EDEM3: variants seen among roughly 807,000 people sequenced by gnomAD.
The protein encoded by EDEM3 is ER degradation-enhancing alpha-mannosidase-like protein 3.
In EDEM3, 60 loss-of-function variants were observed where a neutral mutation model predicts 110.2. The ratio of observed to expected loss-of-function variants is 0.54; its 90% confidence interval spans 0.44 to 0.67. The LOEUF is 0.67. Ranked by LOEUF, EDEM3 falls within the 30% of genes least tolerant of loss-of-function variation. EDEM3 has a pLI of 0.00. For missense variants in EDEM3, 996 were observed against 1,121.0 expected, an observed-to-expected ratio of 0.89 and a Z score of 1.59; for synonymous variants, 352 against 382.9, an observed-to-expected ratio of 0.92 and a Z score of 0.94.
intron 13 of EDEM3, 53 bp from the exon 14 acceptor site, chr1:184,712,651 C>T (rs1479685946): frequency 1.6e-6 from 2 of 1,238,414 alleles, no homozygotes; most frequent in Non-Finnish European, 2.2e-6. Context: ...ATTTAAATGC[C>T]AACTATATGA....
At chr1:184,722,091 T>A (rs1469858298) in intron 8 of EDEM3, among the ~76,000 whole-genome samples, 1 of 152,034 alleles carries the variant, frequency 6.6e-6, no homozygotes, top group Non-Finnish European at 1.5e-5. Flanking sequence ...TATAAATGCA[T>A]TAAGCCTTCT....
At chr1:184,750,518 C>CTTTTTT (rs376949251) in intron 1 of EDEM3, among the ~76,000 whole-genome samples, 26,433 of 146,116 alleles carry the variant, frequency 0.18, 3,895 homozygotes, top group African/African-American at 0.41. Flanking sequence ...TTAACTTTTT[C>CTTTTTT]TTTTTTTTTT....
intron 2 of EDEM3, among the ~76,000 whole-genome samples, chr1:184,743,268 C>T (rs1292013672): frequency 6.6e-6 from 1 of 152,092 alleles, no homozygotes. Flanking sequence ...GGCAAATTAA[C>T]AGCCTTATCA....
At chr1:184,751,816 C>G (rs780404326) in intron 1 of EDEM3, among the ~76,000 whole-genome samples, 16 of 152,106 alleles carry the variant, frequency 1.1e-4, no homozygotes, top group Admixed American at 4.6e-4. Flanking sequence ...TGCAATGGCA[C>G]GATCTCTGCT....
rs566669335 is a variant in EDEM3, at chr1:184,754,709, C to T, written c.-63G>A. ...GGCCGGTGAGACACATTGCTGGACGCTGGTGGCCAGGGGGCTGCTAGCCGT... is the reference window on the plus strand; with the variant it reads ...GGCCGGTGAGACACATTGCTGGACGTTGGTGGCCAGGGGGCTGCTAGCCGT... On this transcript the variant is annotated 5_prime_UTR_variant, in exon 1 of 20. Coordinates refer to ENST00000318130, the MANE Select transcript of EDEM3 (RefSeq NM_025191.4). The T allele has an allele frequency of 6.8e-7, 1 of 1,462,586 alleles. No homozygotes were observed. Among genetic ancestry groups the T allele is most frequent in the Admixed American group, 2.6e-5 (1 of 38,580 alleles). 90.6% of individuals were successfully genotyped at this position (1,462,586 alleles called of 1,614,324 possible). A position where few individuals can be genotyped will look rare whatever the true frequency, so the allele number is the denominator to read the frequency against.
Position 184,693,986 on chromosome 1 carries a change from T to C in EDEM3, c.*77A>G. Reference sequence around the variant, plus strand: ...TAAAGCCTCCCATTAGAAAGCCTGCTTAGTATTAGGATGTCTATTAACCAC... The same window carrying C: ...TAAAGCCTCCCATTAGAAAGCCTGCCTAGTATTAGGATGTCTATTAACCAC... On this transcript the variant is annotated 3_prime_UTR_variant, in exon 20 of 20. Coordinates refer to ENST00000318130, the MANE Select transcript of EDEM3 (RefSeq NM_025191.4). 1 of 1,446,602 alleles carries C rather than the reference T, an allele frequency of 6.9e-7. No homozygotes were observed. The highest frequency in any genetic ancestry group is 2.2e-5 in the Admixed American group (1 of 45,030). 89.6% of individuals were successfully genotyped at this position (1,446,602 alleles called of 1,614,324 possible). A position where few individuals can be genotyped will look rare whatever the true frequency, so the allele number is the denominator to read the frequency against.
At chr1:184,719,387 C>A in intron 10 of EDEM3, 56 bp downstream of exon 10, 2 of 1,574,734 alleles carry the variant, frequency 1.3e-6, no homozygotes, top group South Asian at 1.2e-5. Context: ...ATCAAAAATG[C>A]GCCTAATTAA....
At position 184,715,140 on chromosome 1, in the gene EDEM3, T is replaced by TC. The variant is rs139993600; in HGVS notation, c.1370+1747_1370+1748insG. ...CTGAATACAGACAGTTATGGTGCTG[T>TC]GTGCCAGACACATCTTGAGTATGGT... On this transcript the variant is annotated intron_variant, in intron 13 of 19. Transcript: ENST00000318130. 4.2e-3 allele frequency among the ~76,000 whole-genome samples: 636 copies of TC among 152,284 alleles called. 5 individuals are homozygous for TC. Among genetic ancestry groups the TC allele is most frequent in the East Asian group, 0.036 (185 of 5,188 alleles).
rs1369962195 is a variant in EDEM3 at position 184,694,191 on chromosome 1, A to T, written c.2671T>A (p.Ser891Thr). The change falls in exon 20 of 20, where the codon TCA (serine) becomes ACA (threonine). Residue 891 changes from serine to threonine, a missense_variant. By Grantham distance (58) the Ser-to-Thr change is moderately conservative. Around this residue, in one of 5 missense-constraint regions of EDEM3, gnomAD observed 345 missense variants for 402.0 expected, o/e 0.86. Transcript: ENST00000318130. Reference protein sequence around the residue: ...TDLDNQLQEQSETEEDSNPNV... With the variant: ...TDLDNQLQEQTETEEDSNPNV... ...GGATTGGAATCTTCCTCAGTTTCTG[A>T]TTGTTCTTGAAGCTGGTTATCTAAA... is the stretch of plus-strand genomic sequence containing the variant. The T allele has an allele frequency of 6.2e-7, 1 of 1,613,342 alleles. No individual in the cohort carries two copies. Among genetic ancestry groups the T allele is most frequent in the South Asian group, 1.1e-5 (1 of 91,064 alleles).
intron 16 of EDEM3, among the ~76,000 whole-genome samples, chr1:184,709,722 T>C (rs1650123344): frequency 6.6e-6 from 1 of 152,162 alleles, no homozygotes; most frequent in Non-Finnish European, 1.5e-5. Flanking sequence ...AGGAAGGATG[T>C]GGCAAGAATA....
In EDEM3 at chr1:184,717,609, A is replaced by C. The variant is rs757899203; in HGVS notation, c.1176T>G (p.Asp392Glu). 109 of 1,602,334 alleles carry C rather than the reference A, an allele frequency of 6.8e-5. No homozygotes were observed. The highest frequency in any genetic ancestry group is 9.0e-5 in the Non-Finnish European group (106 of 1,175,632). The change falls in exon 12 of 20, where the codon GAT becomes GAG. Residue 392 changes from aspartate to glutamate, a missense_variant. Physicochemically the swap from Asp to Glu is conservative, Grantham distance 45. This residue lies in a region of EDEM3 where 310 missense variants were observed against 394.6 expected (regional missense o/e 0.79). Transcript: ENST00000318130. ...GATGTTGAGCCCAGTGTACTCTGAAATCTGTGGTAAATGCCTGAACAAAAC... is the reference window on the plus strand; with the variant it reads ...GATGTTGAGCCCAGTGTACTCTGAACTCTGTGGTAAATGCCTGAACAAAAC... The part of the protein sequence containing the change: ...HNFLPEAFTT[D>E]FRVHWAQHPL...
In EDEM3 at chr1:184,708,263, GT is replaced by G; in HGVS notation, c.1926del (p.Glu642AspfsTer20). On this transcript the variant is annotated frameshift_variant, in exon 17 of 20. Transcript: ENST00000318130. LOFTEE classifies it high-confidence loss of function. ...MIELSSQQQKEQQLPPRAVQI... is the reference protein window; with the variant it reads ...MIELSSQQQKXQQLPPRAVQI... ...TGTACAGCTCGTGGAGGCAGCTGCT[GT>G]TCTTTTTGTTGCTGACTTGACAATT... 1.2e-6 allele frequency: 2 copies of G among 1,613,298 alleles called. No individual in the cohort carries two copies. The highest frequency in any genetic ancestry group is 1.7e-6 in the Non-Finnish European group (2 of 1,179,792).
chr1:184,703,192 C>T (rs1649724993), intron 18 of EDEM3, among the ~76,000 whole-genome samples, 196 bp from the exon 19 acceptor site: 1 of 151,994 alleles, frequency 6.6e-6, no homozygotes, highest in Admixed American at 6.6e-5. Flanking sequence ...AGCGAAAAGC[C>T]CTATGCCCAA....
At position 184,706,792 on chromosome 1, in the gene EDEM3, G is replaced by C. The variant is rs1571356211; in HGVS notation, c.2054C>G (p.Ala685Gly). 2 of 1,613,114 alleles carry C rather than the reference G, an allele frequency of 1.2e-6. No individual in the cohort carries two copies. The highest frequency in any genetic ancestry group is 1.7e-5 in the Admixed American group (1 of 59,874). ...ACAACCATTGGATGGTTTACTGCTT[G>C]CAACAAATCCTCTTGTCTGTCAGAA... The part of the protein sequence containing the change: ...SKHKETRGFV[A>G]SSKPSNGCSE... The change falls in exon 18 of 20, where the codon GCA (alanine) becomes GGA (glycine). Residue 685 changes from alanine to glycine, a missense_variant. Physicochemically the swap from Ala to Gly is moderately conservative, Grantham distance 60. Transcript: ENST00000318130.
chr1:184,728,820 A>G (rs1651338609), intron 6 of EDEM3, among the ~76,000 whole-genome samples: 1 of 152,122 alleles, frequency 6.6e-6, no homozygotes, highest in Admixed American at 6.5e-5. Flanking sequence ...ATGTTGGTGA[A>G]GATGGTCTCG....
intron 2 of EDEM3, among the ~76,000 whole-genome samples, chr1:184,742,176 G>C (rs945417856): frequency 2.0e-5 from 3 of 152,084 alleles, no homozygotes; most frequent in Non-Finnish European, 2.9e-5. Context: ...ACAGAAAGGG[G>C]GGGAAATAAC....
At chr1:184,753,624 AC>A (rs1367019691) in intron 1 of EDEM3, among the ~76,000 whole-genome samples, 1 of 152,090 alleles carries the variant, frequency 6.6e-6, no homozygotes. Context: ...ACTAACCAGA[AC>A]CGTATCCTTG....
chr1:184,744,700 T>C (rs1208637937), intron 2 of EDEM3, among the ~76,000 whole-genome samples: 1 of 152,014 alleles, frequency 6.6e-6, no homozygotes, highest in East Asian at 1.9e-4. Flanking sequence ...AGAAATTATG[T>C]TCAATCAAAT....
chr1:184,716,873 T>C lies in EDEM3; in HGVS notation c.1370+15A>G. 1.2e-6 allele frequency: 2 copies of C among 1,612,408 alleles called. No individual in the cohort carries two copies. Among genetic ancestry groups the C allele is most frequent in the East Asian group, 2.2e-5 (1 of 44,808 alleles). On this transcript the variant is annotated intron_variant, in intron 13 of 19. Transcript: ENST00000318130. ...GAGAGACCCTGAGGAAAGAGGATGTTAGCAATTGTTTTACCTGTCCTCATG... is the reference window on the plus strand; with the variant it reads ...GAGAGACCCTGAGGAAAGAGGATGTCAGCAATTGTTTTACCTGTCCTCATG...
Sources: gnomAD v4.1 joint callset for allele counts (sites outside exome capture counted in the v4.1 genomes callset) on GRCh38, gnomAD v4.1.1 for gene constraint, gnomAD v4.1.1 regional missense constraint, MANE v1.5 for transcripts, NCBI Gene and HGNC (gene_info 2026-07-23, HGNC 2026-07-21) for gene names.